Variants in CACNA2D3 observed in about 807,000 individuals in gnomAD.
CACNA2D3 encodes the protein calcium voltage-gated channel auxiliary subunit alpha2delta 3.
A neutral mutation model predicts 160.6 loss-of-function variants in CACNA2D3; 60 were observed. That is an observed-to-expected ratio of 0.37 (90% CI 0.30 to 0.46). The LOEUF (loss-of-function observed/expected upper bound fraction) is 0.46. Among genes scored for constraint, CACNA2D3 ranks in the 20% least tolerant of loss-of-function variants. The pLI, the probability that CACNA2D3 is intolerant of heterozygous loss-of-function variation, is 1.00. For synonymous variants in CACNA2D3, 558 were observed against 492.9 expected, an observed-to-expected ratio of 1.13 and a Z score of -1.75; for missense variants, 1,205 against 1,365.0, an observed-to-expected ratio of 0.88 and a Z score of 1.85.
chr3:55,021,773 C>T (rs1703461597), intron 35 of CACNA2D3, among the ~76,000 whole-genome samples: 1 of 149,336 alleles, frequency 6.7e-6, no homozygotes, highest in Non-Finnish European at 1.5e-5. Flanking sequence ...CTCATTTTTA[C>T]CATTTTTTGA....
At chr3:54,651,181 C>G (rs957567975) in intron 11 of CACNA2D3, among the ~76,000 whole-genome samples, 2 of 152,106 alleles carry the variant, frequency 1.3e-5, no homozygotes, top group African/African-American at 2.4e-5. Context: ...ACAGTAAGTC[C>G]TTTTCCTTGG....
chr3:54,489,859 G>T (rs2106917693), intron 4 of CACNA2D3, among the ~76,000 whole-genome samples: 1 of 152,238 alleles, frequency 6.6e-6, no homozygotes, highest in African/African-American at 2.4e-5. Flanking sequence ...TGTGACACTT[G>T]GGGGATTATA....
chr3:54,373,632 G>A (rs1698962820), intron 3 of CACNA2D3, among the ~76,000 whole-genome samples: 1 of 152,136 alleles, frequency 6.6e-6, no homozygotes. Flanking sequence ...CCAGTGCCAT[G>A]GTGTCTTTAT....
At chr3:54,973,071 G>C (rs192603352) in intron 29 of CACNA2D3, among the ~76,000 whole-genome samples, 24 of 152,188 alleles carry the variant, frequency 1.6e-4, no homozygotes, top group African/African-American at 4.1e-4. Flanking sequence ...GTCAGCGAAG[G>C]CTTCTCTGAG....
intron 3 of CACNA2D3, among the ~76,000 whole-genome samples, chr3:54,346,849 C>G (rs527878017): frequency 2.6e-5 from 4 of 152,236 alleles, no homozygotes; most frequent in African/African-American, 9.6e-5. Context: ...ACCTTTGATC[C>G]TTTTACTGTC....
At chr3:54,804,541 T>A (rs997170577) in intron 13 of CACNA2D3, among the ~76,000 whole-genome samples, 12 of 152,148 alleles carry the variant, frequency 7.9e-5, no homozygotes, top group African/African-American at 1.4e-4. Flanking sequence ...GAGCACCCAG[T>A]TTCATAAAGC....
At chr3:54,833,178 C>T (rs1703915095) in intron 14 of CACNA2D3, among the ~76,000 whole-genome samples, 1 of 152,054 alleles carries the variant, frequency 6.6e-6, no homozygotes, top group South Asian at 2.1e-4. Context: ...CCTTTGATAC[C>T]CAAATGGTCC....
chr3:54,320,837 G>A (rs1703971988), intron 3 of CACNA2D3, among the ~76,000 whole-genome samples: 1 of 152,198 alleles, frequency 6.6e-6, no homozygotes, highest in African/African-American at 2.4e-5. Flanking sequence ...GCCTGTAACT[G>A]TATGATGCAT....
intron 17 of CACNA2D3, among the ~76,000 whole-genome samples, chr3:54,855,239 T>C (rs1699143210): frequency 6.6e-6 from 1 of 152,102 alleles, no homozygotes; most frequent in African/African-American, 2.4e-5. Flanking sequence ...TTCACCCGTG[T>C]CCTCTGGGAC....
chr3:55,018,371 C>CT, intron 35 of CACNA2D3, 54 bp downstream of exon 35: 1 of 1,106,026 alleles, frequency 9.0e-7, no homozygotes, highest in Non-Finnish European at 1.4e-6. Context: ...CAGCACAGAA[C>CT]TTTCCCAGAT....
intron 13 of CACNA2D3, among the ~76,000 whole-genome samples, chr3:54,811,507 T>A (rs867284763): frequency 0.38 from 33,592 of 89,044 alleles, 6,022 homozygotes; most frequent in Middle Eastern, 0.45. Flanking sequence ...TTTTTTTTTT[T>A]TTTTTTTTGA....
chr3:54,290,462 G>C (rs1703160711), intron 2 of CACNA2D3, among the ~76,000 whole-genome samples: 1 of 152,104 alleles, frequency 6.6e-6, no homozygotes, highest in South Asian at 2.1e-4. Context: ...CTGTGTGTGG[G>C]ACTGTAAACT....
intron 9 of CACNA2D3, among the ~76,000 whole-genome samples, chr3:54,603,608 T>C (rs1398350205): frequency 6.6e-6 from 1 of 152,242 alleles, no homozygotes; most frequent in Non-Finnish European, 1.5e-5. Context: ...GGATGATGGC[T>C]TCAAGGCTAA....
At position 54,918,756 on chromosome 3, in the gene CACNA2D3, G is replaced by A. The variant is rs149877698; in HGVS notation, c.2449+18888G>A. The A allele has an allele frequency of 6.2e-5, 100 of 1,613,970 alleles. No individual in the cohort carries two copies. In the African/African-American group the frequency reaches 9.5e-4, roughly 15 times the overall value. ...TCAGGACCACACCGTGGGCAGAGCC[G>A]GGCCACTGAGCCTGCGAGGACACTG... is the stretch of plus-strand genomic sequence containing the variant. On this transcript the variant is annotated intron_variant, in intron 27 of 37. Transcript: ENST00000474759.
At chr3:54,941,441 C>A (rs1159820159) in intron 27 of CACNA2D3, among the ~76,000 whole-genome samples, 1 of 152,130 alleles carries the variant, frequency 6.6e-6, no homozygotes, top group African/African-American at 2.4e-5. Flanking sequence ...ACTTATTGGC[C>A]CAGGGATGGG....
At chr3:54,701,839 T>G (rs1003320561) in intron 11 of CACNA2D3, among the ~76,000 whole-genome samples, 1 of 152,054 alleles carries the variant, frequency 6.6e-6, no homozygotes, top group Non-Finnish European at 1.5e-5. Context: ...TACATCACAC[T>G]GTAGTATAGA....
chr3:54,448,157 C>T (rs1033220999), intron 4 of CACNA2D3, among the ~76,000 whole-genome samples: 1 of 152,168 alleles, frequency 6.6e-6, no homozygotes, highest in African/African-American at 2.4e-5. Context: ...GCTGCAGTGC[C>T]AGCCTCACAT....
intron 4 of CACNA2D3, among the ~76,000 whole-genome samples, chr3:54,416,116 G>A (rs747923385): frequency 6.6e-5 from 10 of 152,130 alleles, no homozygotes; most frequent in Non-Finnish European, 1.2e-4. Context: ...TTGTCATTTG[G>A]CAATTGGATC....
Position 54,885,521 on chromosome 3 carries a change from A to G in CACNA2D3, c.1991A>G (p.His664Arg). 1 of 1,613,830 alleles carries G rather than the reference A, an allele frequency of 6.2e-7. No individual in the cohort carries two copies. The highest frequency in any genetic ancestry group is 8.5e-7 in the Non-Finnish European group (1 of 1,179,812). Reference protein sequence around the residue: ...SYCNTDLHPEHRHLSQLEAIK... With the variant: ...SYCNTDLHPERRHLSQLEAIK... ...TGCAACACTGACCTACACCCTGAGC[A>G]CCGCCATCTGTCTCAGTTAGAAGCG... The change falls in exon 23 of 38, where the codon CAC becomes CGC. Residue 664 changes from histidine (H) to arginine (R), a missense_variant. Around this residue, in one of 3 missense-constraint regions of CACNA2D3, gnomAD observed 911 missense variants for 1,002.2 expected, o/e 0.91. Transcript: ENST00000474759.
Sources: gnomAD v4.1 joint callset for allele counts (sites outside exome capture counted in the v4.1 genomes callset) on GRCh38, gnomAD v4.1.1 for gene constraint, gnomAD v4.1.1 regional missense constraint, MANE v1.5 for transcripts, NCBI Gene and HGNC (gene_info 2026-07-23, HGNC 2026-07-21) for gene names.